Variants in PANK1 observed in about 807,000 individuals in gnomAD.
PANK1 encodes the protein pantothenate kinase 1, also known as pantothenic acid kinase 1.
Under a neutral mutation model 40.1 loss-of-function variants are expected in PANK1, and 18 were observed. The observed-to-expected ratio is 0.45, with a 90% confidence interval of 0.31 to 0.67. The LOEUF is 0.67. Ranked by LOEUF, PANK1 falls within the 30% of genes least tolerant of loss-of-function variation. The pLI is 0.06. For missense variants in PANK1, 457 were observed against 599.6 expected (o/e 0.76, Z 2.48); for synonymous variants, 242 against 237.7 (o/e 1.02, Z -0.17).
At chr10:89,606,674 C>A (rs997466156) in intron 2 of PANK1, among the ~76,000 whole-genome samples, 2 of 152,148 alleles carry the variant, frequency 1.3e-5, no homozygotes, top group Non-Finnish European at 2.9e-5. Flanking sequence ...TAGGGGTGCA[C>A]CACCACATCT....
chr10:89,631,747 A>T (rs1841649873), intron 1 of PANK1, among the ~76,000 whole-genome samples: 1 of 152,208 alleles, frequency 6.6e-6, no homozygotes, highest in Non-Finnish European at 1.5e-5. Context: ...AATGGTAAAA[A>T]ATTAATCATA....
At chr10:89,595,833 A>AAAT (rs1174267106) in intron 3 of PANK1, among the ~76,000 whole-genome samples, 24 of 33,768 alleles carry the variant, frequency 7.1e-4, no homozygotes, top group Non-Finnish European at 1.1e-3. Flanking sequence ...AAAAAAAAAA[A>AAAT]ATATATATAT....
At chr10:89,619,359 C>G (rs1388049424) in intron 1 of PANK1, among the ~76,000 whole-genome samples, 1 of 151,904 alleles carries the variant, frequency 6.6e-6, no homozygotes, top group African/African-American at 2.4e-5. Flanking sequence ...TCCAAATAGC[C>G]TAAATGAGCA....
chr10:89,614,744 C>T (rs1356225831), intron 1 of PANK1, among the ~76,000 whole-genome samples: 3 of 151,996 alleles, frequency 2.0e-5, no homozygotes, highest in Non-Finnish European at 4.4e-5. Context: ...TTGCAGCGAG[C>T]CGAGATTGCA....
intron 3 of PANK1, among the ~76,000 whole-genome samples, chr10:89,597,395 T>C (rs1844643480): frequency 6.6e-6 from 1 of 152,206 alleles, no homozygotes; most frequent in African/African-American, 2.4e-5. Context: ...GGTTCTCTAT[T>C]AACCTGCAGG....
At chr10:89,588,911 A>C (rs1844284634) in intron 5 of PANK1, 134 bp from the exon 6 acceptor site, 7 of 563,758 alleles carry the variant, frequency 1.2e-5, no homozygotes, top group Non-Finnish European at 1.4e-5. Flanking sequence ...GAATTATTTC[A>C]ACATCGCCAA....
chr10:89,621,031 G>T (rs11185807), intron 1 of PANK1, among the ~76,000 whole-genome samples: 47,989 of 152,122 alleles, frequency 0.32, 7,714 homozygotes, highest in Non-Finnish European at 0.35. Flanking sequence ...GCCGGGTGCG[G>T]TGGTTCACGC....
chr10:89,586,255 G>A (rs763045695), intron 6 of PANK1, among the ~76,000 whole-genome samples: 3 of 152,038 alleles, frequency 2.0e-5, no homozygotes, highest in Non-Finnish European at 4.4e-5. Context: ...ATTTTTTATT[G>A]CTAAAAATGG....
chr10:89,642,345 G>C lies in PANK1; in HGVS notation c.292+2255C>G, dbSNP rs80190914. On this transcript the variant is annotated intron_variant, in intron 1 of 6. Transcript: ENST00000307534. ...CACACCTATCCACACATGCATTCCA[G>C]GTGCATTTACAAGTGTTAACACTGG... 1.7e-3 allele frequency among the ~76,000 whole-genome samples: 259 copies of C among 152,272 alleles called. 1 individual carries two copies. Among genetic ancestry groups the C allele is most frequent in the African/African-American group, 5.8e-3 (240 of 41,554 alleles).
intron 3 of PANK1, among the ~76,000 whole-genome samples, chr10:89,598,585 T>A (rs190881097): frequency 2.6e-4 from 39 of 152,314 alleles, no homozygotes; most frequent in African/African-American, 7.7e-4. Flanking sequence ...CTTAGAGAGA[T>A]CTGACCCTAG....
At chr10:89,631,175 C>T (rs934625223) in intron 1 of PANK1, among the ~76,000 whole-genome samples, 3 of 152,092 alleles carry the variant, frequency 2.0e-5, no homozygotes, top group Non-Finnish European at 4.4e-5. Context: ...AATGAGACTC[C>T]CTTGTCAAAG....
chr10:89,608,552 C>T lies in PANK1; in HGVS notation c.645+3144G>A, dbSNP rs971565597. 9.2e-5 allele frequency among the ~76,000 whole-genome samples: 14 copies of T among 152,168 alleles called. 1 individual carries two copies. In the South Asian group the frequency reaches 2.3e-3, roughly 25 times the overall value. ...GTTACATTATCTAAGGATTCAAGTA[C>T]ATATACTATATATTTTTTAAAAATA... On this transcript the variant is annotated intron_variant, in intron 2 of 6. Transcript: ENST00000307534.
chr10:89,594,374 T>C (rs1300664306), intron 3 of PANK1, among the ~76,000 whole-genome samples: 1 of 152,150 alleles, frequency 6.6e-6, no homozygotes, highest in Non-Finnish European at 1.5e-5. Flanking sequence ...AAATAACTCC[T>C]ATTAAAAAAC....
chr10:89,627,968 C>A (rs964578271), intron 1 of PANK1, among the ~76,000 whole-genome samples: 1 of 152,116 alleles, frequency 6.6e-6, no homozygotes, highest in Admixed American at 6.5e-5. Flanking sequence ...AAATGCACAT[C>A]AAAACCACAA....
At chr10:89,638,481 C>T (rs945800684) in intron 1 of PANK1, among the ~76,000 whole-genome samples, 36 of 152,218 alleles carry the variant, frequency 2.4e-4, no homozygotes, top group African/African-American at 8.4e-4. Flanking sequence ...TGAAAATGTT[C>T]TTTCATTCTC....
chr10:89,629,701 T>C (rs1174729852), intron 1 of PANK1, among the ~76,000 whole-genome samples: 5 of 152,234 alleles, frequency 3.3e-5, no homozygotes, highest in African/African-American at 1.2e-4. Context: ...TTACGGATGA[T>C]AGCTGCAGCT....
At chr10:89,607,790 T>C (rs1845014795) in intron 2 of PANK1, among the ~76,000 whole-genome samples, 1 of 151,760 alleles carries the variant, frequency 6.6e-6, no homozygotes, top group Non-Finnish European at 1.5e-5. Context: ...CCACAGAATA[T>C]AGACACTGGG....
intron 5 of PANK1, 21 bp downstream of exon 5, chr10:89,593,176 C>G (rs775361430): frequency 1.2e-6 from 2 of 1,611,654 alleles, no homozygotes; most frequent in South Asian, 1.1e-5. Context: ...ACAGCTTTCA[C>G]CGGGTTGAGT....
downstream of PANK1, chr10:89,581,960 A>G (rs1367161695): frequency 1.3e-5 from 2 of 152,254 alleles, no homozygotes; most frequent in East Asian, 3.8e-4. Context: ...CCATACTAAC[A>G]TGGGTTTCCC....
Sources: allele counts gnomAD v4.1 joint callset (sites outside exome capture counted in the v4.1 genomes callset), GRCh38; gene constraint gnomAD v4.1.1; transcripts MANE v1.5; gene names NCBI Gene and HGNC (gene_info 2026-07-23, HGNC 2026-07-21).